The following PKHD1 variants were observed in gnomAD, a reference collection of about 807,000 sequenced individuals.
The protein encoded by PKHD1 is PKHD1 ciliary IPT domain containing fibrocystin/polyductin.
In PKHD1, 291 loss-of-function variants were observed where a neutral mutation model predicts 412.0. The ratio of observed to expected loss-of-function variants is 0.71; its 90% CI spans 0.64 to 0.78. The LOEUF (loss-of-function observed/expected upper bound fraction) is 0.78. PKHD1 is among the 30% of genes least tolerant of loss of function. PKHD1 has a pLI of 0.00. For synonymous variants in PKHD1, 1,777 were observed against 1,821.5 expected, an observed-to-expected ratio of 0.98 and a Z score of 0.62; for missense variants, 4,825 against 4,950.7, an observed-to-expected ratio of 0.97 and a Z score of 0.76.
chr6:52,053,175 A>G lies in PKHD1; in HGVS notation c.2041T>C (p.Ser681Pro). 1 of 1,614,146 alleles carries G rather than the reference A, an allele frequency of 6.2e-7. No homozygotes were observed. The highest frequency in any genetic ancestry group is 8.5e-7 in the Non-Finnish European group (1 of 1,179,982). Reference sequence around the variant, plus strand: ...TTGATCTGATGAACCAGCACTGGGGAGTTTGCCGGAGGGGGCTGGAGATCC... The same window carrying G: ...TTGATCTGATGAACCAGCACTGGGGGGTTTGCCGGAGGGGGCTGGAGATCC... ...FGDLQPPPANSPVLVHQINLL... is the reference protein window; with the variant it reads ...FGDLQPPPANPPVLVHQINLL... The change falls in exon 21 of 67, where the codon TCC becomes CCC. Residue 681 changes from serine (S) to proline (P), a missense_variant. Physicochemically the swap from Ser to Pro is moderately conservative, Grantham distance 74 (BLOSUM62 -1). Coordinates refer to ENST00000371117, the MANE Select transcript of PKHD1 (RefSeq NM_138694.4).
At chr6:51,753,394 C>T (rs772707928) in intron 56 of PKHD1, 41 bp from the exon 57 acceptor site, 17 of 1,579,190 alleles carry the variant, frequency 1.1e-5, no homozygotes, top group African/African-American at 9.5e-5. Context: ...ACTTTAAAAA[C>T]CTGTTTCAAA....
intron 66 of PKHD1, among the ~76,000 whole-genome samples, chr6:51,621,331 A>G (rs1159695731): frequency 2.0e-5 from 3 of 152,186 alleles, no homozygotes; most frequent in Non-Finnish European, 2.9e-5. Flanking sequence ...GTTTATCAGG[A>G]TCAGCAAATA....
intron 54 of PKHD1, 86 bp downstream of exon 54, chr6:51,775,722 T>C: frequency 1.3e-6 from 1 of 741,908 alleles, no homozygotes; most frequent in Non-Finnish European, 2.4e-6. Context: ...GCATATGTTC[T>C]ATGAATAGTA....
intron 50 of PKHD1, among the ~76,000 whole-genome samples, chr6:51,844,540 C>G (rs534089960): frequency 3.8e-4 from 58 of 152,312 alleles, no homozygotes; most frequent in African/African-American, 1.3e-3. Flanking sequence ...GCAGCACACT[C>G]TAGTGGAGAG....
chr6:52,059,126 A>G (rs1266890735), intron 15 of PKHD1, among the ~76,000 whole-genome samples: 2 of 152,168 alleles, frequency 1.3e-5, no homozygotes, highest in African/African-American at 2.4e-5. Context: ...ACAGCTGCCT[A>G]CATCTCCACC....
chr6:51,635,019 A>T (rs643251), intron 64 of PKHD1, among the ~76,000 whole-genome samples: 6,508 of 152,222 alleles, frequency 0.043, 232 homozygotes, highest in African/African-American at 0.093. Context: ...CCTGAACACC[A>T]GGGCTCATAT....
chr6:51,922,557 C>T (rs1448043377), intron 37 of PKHD1, among the ~76,000 whole-genome samples: 2 of 152,232 alleles, frequency 1.3e-5, no homozygotes, highest in Non-Finnish European at 2.9e-5. Context: ...GTAGAGTCTA[C>T]AGAGGCAGGC....
intron 53 of PKHD1, among the ~76,000 whole-genome samples, chr6:51,782,294 T>C (rs186185080): frequency 3.3e-5 from 5 of 152,240 alleles, no homozygotes; most frequent in Admixed American, 3.3e-4. Context: ...CACATATAGA[T>C]TTAAGGATAA....
At chr6:51,822,225 C>T (rs189622689) in intron 52 of PKHD1, among the ~76,000 whole-genome samples, 5 of 152,170 alleles carry the variant, frequency 3.3e-5, no homozygotes, top group South Asian at 2.1e-4. Flanking sequence ...CTTGAAGACA[C>T]CGATACAATC....
intron 37 of PKHD1, among the ~76,000 whole-genome samples, chr6:51,918,257 G>C (rs1480457923): frequency 2.0e-5 from 3 of 151,902 alleles, no homozygotes; most frequent in Admixed American, 1.3e-4. Context: ...GTGCAGGTTT[G>C]TTACATAGGT....
At chr6:51,988,491 T>G (rs1162447025) in intron 35 of PKHD1, among the ~76,000 whole-genome samples, 1 of 152,216 alleles carries the variant, frequency 6.6e-6, no homozygotes, top group Non-Finnish European at 1.5e-5. Flanking sequence ...TTGCTCCCAC[T>G]TTAAACAATC....
chr6:52,038,528 T>A (rs1804311586), intron 27 of PKHD1, among the ~76,000 whole-genome samples: 1 of 152,128 alleles, frequency 6.6e-6, no homozygotes, highest in African/African-American at 2.4e-5. Flanking sequence ...ACACCAGATG[T>A]TAAGAGACAG....
At chr6:51,715,784 A>G (rs1447494180) in intron 60 of PKHD1, among the ~76,000 whole-genome samples, 2 of 152,230 alleles carry the variant, frequency 1.3e-5, no homozygotes, top group African/African-American at 2.4e-5. Context: ...TCATCTACAC[A>G]GAGGAGCTGT....
Position 51,754,953 on chromosome 6 carries a change from C to T in PKHD1, c.8643-15G>A. On this transcript the variant is annotated splice_polypyrimidine_tract_variant and intron_variant, in intron 55 of 66. Coordinates refer to ENST00000371117, the MANE Select transcript of PKHD1 (RefSeq NM_138694.4). ...CTACTATAATTCTGTAACAGCATAACAATGGCATTGGATATACTAACAGTG... is the reference window on the plus strand; with the variant it reads ...CTACTATAATTCTGTAACAGCATAATAATGGCATTGGATATACTAACAGTG... 1 of 1,610,124 alleles carries T rather than the reference C, an allele frequency of 6.2e-7. No individual in the cohort carries two copies. Among genetic ancestry groups the T allele is most frequent in the Non-Finnish European group, 8.5e-7 (1 of 1,176,534 alleles).
At chr6:51,800,856 C>A (rs1009124574) in intron 52 of PKHD1, among the ~76,000 whole-genome samples, 23 of 152,302 alleles carry the variant, frequency 1.5e-4, no homozygotes, top group Non-Finnish European at 3.2e-4. Flanking sequence ...ACAGCTCAGA[C>A]TTCTGAGGGA....
intron 64 of PKHD1, among the ~76,000 whole-genome samples, chr6:51,635,900 C>T: frequency 6.9e-6 from 1 of 145,048 alleles, no homozygotes; most frequent in Admixed American, 7.2e-5. Flanking sequence ...TGGGTGATAC[C>T]TGGTTACATT....
intron 11 of PKHD1, among the ~76,000 whole-genome samples, chr6:52,068,161 T>A (rs1258427582): frequency 6.6e-6 from 1 of 152,182 alleles, no homozygotes; most frequent in Non-Finnish European, 1.5e-5. Flanking sequence ...AAGCACCACT[T>A]TGTCAGTTTT....
Position 52,010,364 on chromosome 6 carries a change from T to C in PKHD1, c.5696A>G (p.Gln1899Arg). Reference protein sequence around the residue: ...EAEMECETPNQPITVKITEIR... With the variant: ...EAEMECETPNRPITVKITEIR... ...CTCAGTAATCTTGACGGTAATTGGCTGATTGGGCGTCTCACACTCCATCTC... is the reference window on the plus strand; with the variant it reads ...CTCAGTAATCTTGACGGTAATTGGCCGATTGGGCGTCTCACACTCCATCTC... The change falls in exon 35 of 67, where the codon CAG (glutamine) becomes CGG (arginine). Residue 1899 changes from glutamine to arginine, a missense_variant. Gln to Arg is a conservative substitution (Grantham distance 43, BLOSUM62 1). Transcript: ENST00000371117. 6.2e-7 allele frequency: 1 copy of C among 1,613,680 alleles called. No individual in the cohort carries two copies.
chr6:51,912,219 G>C, intron 38 of PKHD1, 147 bp downstream of exon 38: 1 of 719,608 alleles, frequency 1.4e-6, no homozygotes, highest in Admixed American at 2.1e-5. Context: ...AACATTTCAT[G>C]CTTTTTAATT....
Sources: allele counts gnomAD v4.1 joint callset (sites outside exome capture counted in the v4.1 genomes callset), GRCh38; gene constraint gnomAD v4.1.1; transcripts MANE v1.5; gene names NCBI Gene and HGNC (gene_info 2026-07-23, HGNC 2026-07-21).